Variants in PACRG observed in about 807,000 individuals in gnomAD.
The protein encoded by PACRG is parkin coregulated, also known as parkin coregulated gene protein.
A neutral mutation model predicts 29.7 loss-of-function variants in PACRG; 29 were observed. The ratio of observed to expected loss-of-function variants is 0.98; its 90% CI spans 0.73 to 1.33. PACRG has a LOEUF of 1.33. Ranked by LOEUF, PACRG falls within the 40% of genes most tolerant of loss-of-function variation. The probability of loss-of-function intolerance (pLI) is 0.00; values close to 1 mark genes in which losing one functional copy is unlikely to be tolerated. For synonymous variants in PACRG, 116 were observed against 118.7 expected (o/e 0.98, Z 0.15); for missense variants, 279 against 316.2 (o/e 0.88, Z 0.89).
At chr6:163,164,266 C>T (rs1054578483) in intron 4 of PACRG, among the ~76,000 whole-genome samples, 7 of 152,308 alleles carry the variant, frequency 4.6e-5, no homozygotes, top group Middle Eastern at 3.4e-3. Flanking sequence ...AAATTCCTTT[C>T]GATATCTCAG....
At chr6:163,220,161 C>G (rs1189766266) in intron 4 of PACRG, among the ~76,000 whole-genome samples, 10 of 151,984 alleles carry the variant, frequency 6.6e-5, no homozygotes, top group African/African-American at 2.4e-4. Flanking sequence ...CCAATACATG[C>G]AGAGTGACTT....
chr6:163,071,376 T>C (rs557012728), intron 3 of PACRG, among the ~76,000 whole-genome samples: 1 of 151,932 alleles, frequency 6.6e-6, no homozygotes, highest in Admixed American at 6.5e-5. Context: ...AAACTAGAAA[T>C]CAATAAGAGA....
At chr6:163,238,558 G>C (rs1404594057) in intron 4 of PACRG, among the ~76,000 whole-genome samples, 1 of 152,206 alleles carries the variant, frequency 6.6e-6, no homozygotes, top group Non-Finnish European at 1.5e-5. Flanking sequence ...CATTGGCATA[G>C]ATTCTCTCTG....
In PACRG at chr6:163,211,648, C is replaced by G. The variant is rs530003965; in HGVS notation, c.614-103179C>G. ...TAAAATGACTCATGAAAACATTCTA[C>G]TTAATATGGTATATCTTCCCGTAGT... On this transcript the variant is annotated intron_variant, in intron 4 of 4. Transcript: ENST00000366888. Among the ~76,000 whole-genome samples, 9 of 152,310 alleles carry G rather than the reference C, an allele frequency of 5.9e-5. No homozygotes were observed. In the South Asian group the frequency reaches 1.9e-3, roughly 32 times the overall value.
At chr6:163,299,939 A>G (rs1784921918) in intron 4 of PACRG, among the ~76,000 whole-genome samples, 1 of 152,196 alleles carries the variant, frequency 6.6e-6, no homozygotes, top group Non-Finnish European at 1.5e-5. Context: ...ATCACATGGC[A>G]AGTCTTTAAG....
At chr6:162,735,424 T>G (rs1232753616) in intron 1 of PACRG, among the ~76,000 whole-genome samples, 1 of 152,198 alleles carries the variant, frequency 6.6e-6, no homozygotes, top group Non-Finnish European at 1.5e-5. Flanking sequence ...ATTTTGCATT[T>G]TAAGTATTCC....
At chr6:163,229,030 T>C (rs536299309) in intron 4 of PACRG, among the ~76,000 whole-genome samples, 86 of 152,342 alleles carry the variant, frequency 5.6e-4, no homozygotes, top group African/African-American at 1.8e-3. Flanking sequence ...AACATTTTAC[T>C]GAACCAGAAA....
chr6:162,986,349 G>A (rs149464026), intron 2 of PACRG, among the ~76,000 whole-genome samples: 7 of 151,998 alleles, frequency 4.6e-5, no homozygotes, highest in African/African-American at 1.7e-4. Context: ...GCATTGTACT[G>A]GTATAAAAAA....
chr6:163,023,178 CTGGCCA>C (rs1424406635), intron 2 of PACRG, among the ~76,000 whole-genome samples: 2 of 152,164 alleles, frequency 1.3e-5, no homozygotes, highest in Non-Finnish European at 2.9e-5. Flanking sequence ...TCCCGTCACC[CTGGCCA>C]TGAGCATAAT....
At chr6:162,885,220 G>C (rs1794227291) in intron 2 of PACRG, among the ~76,000 whole-genome samples, 1 of 143,338 alleles carries the variant, frequency 7.0e-6, no homozygotes, top group East Asian at 2.0e-4. Flanking sequence ...TGCAGAGTTT[G>C]GCCTTTTGAG....
In PACRG at chr6:163,313,055, A is replaced by ATC. The variant is rs149515340; in HGVS notation, c.614-1752_614-1751dup. Among the ~76,000 whole-genome samples, 547 of 147,894 alleles carry ATC rather than the reference A, an allele frequency of 3.7e-3. 3 individuals carry two copies. The highest frequency in any genetic ancestry group is 0.011 in the African/African-American group (448 of 40,528). On this transcript the variant is annotated intron_variant, in intron 4 of 4. Transcript: ENST00000366888. ...ACAGGCATGAGTCACTGTATCCAGC[A>ATC]TCTCTCTCTCTCTCTCTCTCTGTTC...
chr6:162,802,297 A>G (rs1472193795), intron 1 of PACRG, among the ~76,000 whole-genome samples: 1 of 152,184 alleles, frequency 6.6e-6, no homozygotes, highest in Non-Finnish European at 1.5e-5. Context: ...AGTCTAATTT[A>G]GAGCTATTTT....
intron 4 of PACRG, among the ~76,000 whole-genome samples, chr6:163,111,504 C>T (rs1262901621): frequency 6.6e-6 from 1 of 152,238 alleles, no homozygotes; most frequent in African/African-American, 2.4e-5. Flanking sequence ...AATTTAATAA[C>T]TGCATAAACT....
intron 2 of PACRG, among the ~76,000 whole-genome samples, chr6:162,886,204 T>C (rs1323033052): frequency 6.6e-6 from 1 of 152,210 alleles, no homozygotes; most frequent in African/African-American, 2.4e-5. Flanking sequence ...ATTACAGGCA[T>C]GAGCCATTGC....
rs943346707 is a variant in PACRG at position 163,184,996 on chromosome 6, G to A, written c.613+95588G>A. ...AAGATTTGTTTTGTTTTGTTTTCAT[G>A]GCATGATACCTGCAAGGCCAGGAAG... On this transcript the variant is annotated intron_variant, in intron 4 of 4. Coordinates refer to ENST00000366888, the MANE Select transcript of PACRG (RefSeq NM_001080379.2). The A allele has an allele frequency of 1.3e-5, 2 of 152,180 alleles. 1 individual carries two copies. The highest frequency in any genetic ancestry group is 4.1e-4 in the South Asian group (2 of 4,830). The allele number at this position is 152,180 out of a possible 1,614,324, so 9.4% of individuals were successfully genotyped here.
chr6:162,857,233 T>C (rs1009078847), intron 2 of PACRG, among the ~76,000 whole-genome samples: 1 of 152,246 alleles, frequency 6.6e-6, no homozygotes, highest in African/African-American at 2.4e-5. Flanking sequence ...GCACACTTGC[T>C]TGTTCTTTTG....
chr6:162,863,637 C>G (rs1465160908), intron 2 of PACRG, among the ~76,000 whole-genome samples: 1 of 152,176 alleles, frequency 6.6e-6, no homozygotes, highest in Non-Finnish European at 1.5e-5. Flanking sequence ...ATTTATAGAA[C>G]ATCGATGCTG....
chr6:163,310,335 G>A (rs1785361627), intron 4 of PACRG: 1 of 152,258 alleles, frequency 6.6e-6, no homozygotes, highest in Non-Finnish European at 1.5e-5. Context: ...AAGCAGTGGG[G>A]TGCGTGGGCC....
At chr6:163,172,612 T>A (rs1235394610) in intron 4 of PACRG, among the ~76,000 whole-genome samples, 1 of 152,208 alleles carries the variant, frequency 6.6e-6, no homozygotes, top group African/African-American at 2.4e-5. Flanking sequence ...CTTGCTCTCT[T>A]GACTTCTGGT....
Sources: gnomAD v4.1 joint callset for allele counts (sites outside exome capture counted in the v4.1 genomes callset) on GRCh38, gnomAD v4.1.1 for gene constraint, MANE v1.5 for transcripts, NCBI Gene and HGNC (gene_info 2026-07-23, HGNC 2026-07-21) for gene names.